LNX2: variants seen among roughly 807,000 people sequenced by gnomAD.
LNX2 encodes the protein ligand of Numb protein X 2.
Under a neutral mutation model 66.2 loss-of-function variants are expected in LNX2, and 35 were observed. The ratio of observed to expected loss-of-function variants is 0.53; its 90% CI spans 0.40 to 0.70. LNX2 has a LOEUF of 0.70. Ranked by LOEUF, LNX2 falls within the 30% of genes least tolerant of loss-of-function variation. The probability of loss-of-function intolerance (pLI) is 0.00; values close to 1 mark genes in which losing one functional copy is unlikely to be tolerated. For missense variants in LNX2, 791 were observed against 850.8 expected (o/e 0.93, Z 0.87); for synonymous variants, 337 against 315.6 (o/e 1.07, Z -0.72).
chr13:27,596,666 T>C (rs757574342), intron 1 of LNX2, among the ~76,000 whole-genome samples: 2 of 152,210 alleles, frequency 1.3e-5, no homozygotes, highest in Non-Finnish European at 2.9e-5. Context: ...ACAAAATCTT[T>C]CCAAATAAAA....
intron 1 of LNX2, among the ~76,000 whole-genome samples, chr13:27,593,932 C>G (rs1428679669): frequency 6.6e-6 from 1 of 151,834 alleles, no homozygotes; most frequent in Non-Finnish European, 1.5e-5. Context: ...TTCTTGTTCT[C>G]ATCCTATCAC....
chr13:27,592,488 T>C (rs1173036896), intron 1 of LNX2, among the ~76,000 whole-genome samples: 4 of 152,170 alleles, frequency 2.6e-5, no homozygotes, highest in Non-Finnish European at 4.4e-5. Context: ...ATGTAAAATT[T>C]GGACTGCCTG....
chr13:27,588,168 A>T (rs1955512257), intron 1 of LNX2, among the ~76,000 whole-genome samples: 1 of 152,116 alleles, frequency 6.6e-6, no homozygotes, highest in Non-Finnish European at 1.5e-5. Context: ...ACCTTTAAGC[A>T]TTTATCCCAG....
intron 1 of LNX2, among the ~76,000 whole-genome samples, chr13:27,584,692 A>T (rs912922229): frequency 1.3e-5 from 2 of 151,988 alleles, no homozygotes; most frequent in Non-Finnish European, 2.9e-5. Context: ...TCTCTAAATA[A>T]ATAAAAATTT....
At chr13:27,612,333 C>T (rs1955782051) in intron 1 of LNX2, among the ~76,000 whole-genome samples, 1 of 152,194 alleles carries the variant, frequency 6.6e-6, no homozygotes. Context: ...TCCACCTCCT[C>T]CCCCTCCCTC....
intron 6 of LNX2, 110 bp from the exon 7 acceptor site, chr13:27,556,523 T>C: frequency 1.1e-6 from 1 of 906,226 alleles, no homozygotes; most frequent in Non-Finnish European, 1.7e-6. Flanking sequence ...AAGTAATTAT[T>C]TTTTATTCCT....
chr13:27,578,273 G>A (rs1030131067), intron 2 of LNX2, among the ~76,000 whole-genome samples: 1 of 152,084 alleles, frequency 6.6e-6, no homozygotes, highest in African/African-American at 2.4e-5. Context: ...AAGAGCAAAG[G>A]CACATGACAG....
intron 8 of LNX2, among the ~76,000 whole-genome samples, chr13:27,551,410 G>C (rs1210038027): frequency 6.6e-6 from 1 of 151,804 alleles, no homozygotes; most frequent in African/African-American, 2.4e-5. Context: ...AAAAAAAAAT[G>C]TACTTATGTT....
At chr13:27,608,237 A>G (rs1286320183) in intron 1 of LNX2, among the ~76,000 whole-genome samples, 1 of 152,218 alleles carries the variant, frequency 6.6e-6, no homozygotes, top group African/African-American at 2.4e-5. Context: ...CTGCTAATAA[A>G]TTTTTATTTT....
intron 8 of LNX2, among the ~76,000 whole-genome samples, chr13:27,550,722 CAT>C (rs1491263480): frequency 2.0e-5 from 3 of 152,076 alleles, no homozygotes; most frequent in African/African-American, 7.2e-5. Flanking sequence ...CACACACACA[CAT>C]ACACACACAC....
intron 1 of LNX2, among the ~76,000 whole-genome samples, chr13:27,612,870 G>A (rs1225346028): frequency 6.6e-6 from 1 of 152,298 alleles, no homozygotes; most frequent in East Asian, 1.9e-4. Context: ...ACCATGCCTG[G>A]TCGAATTATT....
chr13:27,612,372 TC>T (rs769546648), intron 1 of LNX2, among the ~76,000 whole-genome samples: 1 of 152,174 alleles, frequency 6.6e-6, no homozygotes, highest in Non-Finnish European at 1.5e-5. Flanking sequence ...GACTGCCTCC[TC>T]TGAGGGTTTA....
intron 4 of LNX2, among the ~76,000 whole-genome samples, chr13:27,564,172 G>C (rs1338231490): frequency 6.6e-6 from 1 of 152,192 alleles, no homozygotes; most frequent in Admixed American, 6.5e-5. Context: ...ATCCAGCCAT[G>C]TGTAAACATG....
At chr13:27,584,128 T>C (rs1188984397) in intron 1 of LNX2, among the ~76,000 whole-genome samples, 2 of 152,216 alleles carry the variant, frequency 1.3e-5, no homozygotes, top group Non-Finnish European at 2.9e-5. Flanking sequence ...TTAGCGTGCC[T>C]GCCACAAGAA....
chr13:27,560,565 G>GTATATATATATATA (rs71083675), intron 5 of LNX2, among the ~76,000 whole-genome samples: 4,919 of 119,758 alleles, frequency 0.041, 263 homozygotes, highest in African/African-American at 0.086. Context: ...ATGTATGTGT[G>GTATATATATATATA]TATATATATA....
In LNX2 at chr13:27,581,507, C is replaced by G; in HGVS notation, c.197G>C (p.Gly66Ala). The change falls in exon 2 of 10, where the codon GGA becomes GCA. Residue 66 changes from glycine (G) to alanine (A), a missense_variant. By Grantham distance (60) the Gly-to-Ala change is moderately conservative. Transcript: ENST00000316334. ...GAGGCACTTGTAGCAGAATGTATGT[C>G]CACAGGGTGTGTCTAGTGGCTGCAG... ...PLLQPLDTPC[G>A]HTFCYKCLRN... 1.2e-6 allele frequency: 2 copies of G among 1,613,850 alleles called. No homozygotes were observed. Among genetic ancestry groups the G allele is most frequent in the Non-Finnish European group, 1.7e-6 (2 of 1,179,858 alleles).
intron 9 of LNX2, 104 bp from the exon 10 acceptor site, chr13:27,548,574 GA>G: frequency 1.0e-5 from 12 of 1,201,376 alleles, no homozygotes; most frequent in Non-Finnish European, 1.4e-5. Context: ...ACTTACCACT[GA>G]ACTGTCAATG....
chr13:27,585,552 T>C (rs933187835), intron 1 of LNX2, among the ~76,000 whole-genome samples: 5 of 152,290 alleles, frequency 3.3e-5, no homozygotes, highest in Admixed American at 6.5e-5. Flanking sequence ...TTATAATTCA[T>C]GTTCTTCTCC....
chr13:27,578,333 T>C (rs979828836), intron 2 of LNX2, among the ~76,000 whole-genome samples: 2 of 152,212 alleles, frequency 1.3e-5, no homozygotes, highest in Non-Finnish European at 2.9e-5. Context: ...TAAAATCTTA[T>C]GAATTTCAAT....
Sources: gnomAD v4.1 joint callset for allele counts (sites outside exome capture counted in the v4.1 genomes callset) on GRCh38, gnomAD v4.1.1 for gene constraint, MANE v1.5 for transcripts, NCBI Gene and HGNC (gene_info 2026-07-23, HGNC 2026-07-21) for gene names.